TNIP1: variants seen among roughly 807,000 people sequenced by gnomAD.
The protein encoded by TNIP1 is TNFAIP3 interacting protein 1.
TNIP1 carries 22 observed loss-of-function variants against 86.6 expected under a neutral mutation model. That is an observed-to-expected ratio of 0.25 (90% CI 0.18 to 0.36). The LOEUF is 0.36. Among genes scored for constraint, TNIP1 ranks in the 10% least tolerant of loss-of-function variants. The pLI, the probability that TNIP1 is intolerant of heterozygous loss-of-function variation, is 1.00. For synonymous variants in TNIP1, 294 were observed against 313.0 expected (o/e 0.94, Z 0.64); for missense variants, 709 against 820.6 (o/e 0.86, Z 1.66).
chr5:151,039,358 T>C (rs755663255), intron 11 of TNIP1, 133 bp from the exon 12 acceptor site: 127 of 974,248 alleles, frequency 1.3e-4, no homozygotes, highest in Non-Finnish European at 1.8e-4. Context: ...GCAAAGCACC[T>C]GGGGTCGGTA....
At chr5:151,044,248 C>T (rs1276447961) in intron 9 of TNIP1, among the ~76,000 whole-genome samples, 1 of 152,052 alleles carries the variant, frequency 6.6e-6, no homozygotes, top group Non-Finnish European at 1.5e-5. Context: ...TGCTATGTTG[C>T]CCAGGCTGGT....
Position 151,056,771 on chromosome 5 carries a change from G to A in TNIP1, c.622C>T (p.Leu208=). ...GCCCTCCCCACGCGCCTCACCTGCAGAATGGAGGTGCGCTGCTCATTCTTG... is the reference window on the plus strand; with the variant it reads ...GCCCTCCCCACGCGCCTCACCTGCAAAATGGAGGTGCGCTGCTCATTCTTG... ...VHKNEQRTSI[L]QTLCEQLRKE... The change falls in exon 6 of 18, where the codon CTG becomes TTG. Residue 208 remains leucine (L), a synonymous_variant. Coordinates refer to ENST00000521591, the MANE Select transcript of TNIP1 (RefSeq NM_006058.5). The A allele has an allele frequency of 6.6e-7, 1 of 1,509,778 alleles. No individual in the cohort carries two copies. The highest frequency in any genetic ancestry group is 8.9e-7 in the Non-Finnish European group (1 of 1,121,366). 93.5% of individuals were successfully genotyped at this position (1,509,778 alleles called of 1,614,324 possible).
intron 6 of TNIP1, among the ~76,000 whole-genome samples, chr5:151,054,385 GCAAA>G (rs1293747879): frequency 6.6e-6 from 1 of 152,138 alleles, no homozygotes; most frequent in African/African-American, 2.4e-5. Flanking sequence ...ATGAGGCTTA[GCAAA>G]CAGAGAACCA....
At chr5:151,045,309 C>T (rs939196543) in intron 9 of TNIP1, among the ~76,000 whole-genome samples, 6 of 152,136 alleles carry the variant, frequency 3.9e-5, no homozygotes, top group African/African-American at 9.7e-5. Flanking sequence ...AGGTTGGTCC[C>T]GAACCTCTGA....
At chr5:151,059,888 T>A (rs1761318082) in intron 5 of TNIP1, among the ~76,000 whole-genome samples, 1 of 143,012 alleles carries the variant, frequency 7.0e-6, no homozygotes, top group South Asian at 2.3e-4. Context: ...CGCGCATGCG[T>A]GTAAGTGGAA....
chr5:151,048,765 C>T (rs1320522153), intron 8 of TNIP1, among the ~76,000 whole-genome samples: 12 of 152,064 alleles, frequency 7.9e-5, no homozygotes, highest in Admixed American at 6.5e-4. Context: ...CAGACAAGGC[C>T]GGATCTGATT....
At chr5:151,082,783 CCTTTTT>C (rs891506584), upstream of TNIP1, among the ~76,000 whole-genome samples, 1 of 152,182 alleles carries the variant, frequency 6.6e-6, no homozygotes, top group African/African-American at 2.4e-5. Flanking sequence ...AGTTCTGGAT[CCTTTTT>C]CTTAACAGTT....
chr5:151,049,742 G>C, intron 8 of TNIP1, 82 bp downstream of exon 8: 1 of 1,529,566 alleles, frequency 6.5e-7, no homozygotes, highest in Non-Finnish European at 9.0e-7. Flanking sequence ...GGAGGGAGGA[G>C]GCTCACTGTC....
chr5:151,030,962 C>G (rs945413010), intron 17 of TNIP1, among the ~76,000 whole-genome samples: 3 of 152,178 alleles, frequency 2.0e-5, no homozygotes, highest in Non-Finnish European at 4.4e-5. Flanking sequence ...AAAGAGGGAA[C>G]TGGGACACTA....
chr5:151,065,474 A>G (rs1258541719), intron 1 of TNIP1, among the ~76,000 whole-genome samples: 1 of 152,238 alleles, frequency 6.6e-6, no homozygotes, highest in Non-Finnish European at 1.5e-5. Flanking sequence ...GAGGTCCAGA[A>G]GAACAGGAAT....
At chr5:151,079,677 TAGTA>T (rs1763786547) in intron 1 of TNIP1, among the ~76,000 whole-genome samples, 2 of 152,016 alleles carry the variant, frequency 1.3e-5, no homozygotes, top group African/African-American at 2.4e-5. Flanking sequence ...GCCTGGCACA[TAGTA>T]AGCTATTAGC....
chr5:151,043,160 C>T (rs545173230), intron 9 of TNIP1, among the ~76,000 whole-genome samples, 199 bp from the exon 10 acceptor site: 1 of 152,302 alleles, frequency 6.6e-6, no homozygotes, highest in South Asian at 2.1e-4. Context: ...TGCATTTTAC[C>T]TTGCCAGGAA....
intron 1 of TNIP1, among the ~76,000 whole-genome samples, chr5:151,074,539 T>C (rs1180402529): frequency 3.3e-5 from 5 of 149,606 alleles, no homozygotes; most frequent in Non-Finnish European, 7.4e-5. Flanking sequence ...GTAGGAACCA[T>C]AGAGTTCTCT....
intron 6 of TNIP1, among the ~76,000 whole-genome samples, chr5:151,056,130 G>A (rs1424690217): frequency 1.3e-5 from 2 of 152,216 alleles, no homozygotes; most frequent in African/African-American, 4.8e-5. Flanking sequence ...GAGAGGATAA[G>A]TGACTTGTCC....
chr5:151,037,356 G>A (rs1757841348), intron 12 of TNIP1: 1 of 153,120 alleles, frequency 6.5e-6, no homozygotes, highest in South Asian at 2.0e-4. Context: ...CTAGAAGGAA[G>A]ATTAAGTCCT....
intron 11 of TNIP1, among the ~76,000 whole-genome samples, chr5:151,040,082 C>G (rs1444339865): frequency 6.6e-6 from 1 of 152,224 alleles, no homozygotes; most frequent in Admixed American, 6.5e-5. Context: ...TGCTCTCTCT[C>G]CTTCCATGTC....
intron 14 of TNIP1, 71 bp downstream of exon 14, chr5:151,035,511 G>A: frequency 2.5e-6 from 4 of 1,608,060 alleles, no homozygotes; most frequent in Non-Finnish European, 3.4e-6. Context: ...CCTCACCAGG[G>A]CCCTCCAATC....
chr5:151,050,715 C>G (rs1258375349), intron 7 of TNIP1, among the ~76,000 whole-genome samples: 1 of 152,080 alleles, frequency 6.6e-6, no homozygotes, highest in African/African-American at 2.4e-5. Context: ...CTCACCACAG[C>G]CTCGACTGCT....
intron 14 of TNIP1, 83 bp downstream of exon 14, chr5:151,035,499 A>G (rs1757579062): frequency 6.3e-7 from 1 of 1,597,830 alleles, no homozygotes. Flanking sequence ...CCTGACATCC[A>G]GCCTCACCAG....
Sources: gnomAD v4.1 joint callset for allele counts (sites outside exome capture counted in the v4.1 genomes callset) on GRCh38, gnomAD v4.1.1 for gene constraint, MANE v1.5 for transcripts, NCBI Gene and HGNC (gene_info 2026-07-23, HGNC 2026-07-21) for gene names.